CADM2: variants seen among roughly 807,000 people sequenced by gnomAD.
CADM2 encodes immunoglobulin superfamily member 4D.
CADM2 carries 12 observed loss-of-function variants against 49.8 expected under a neutral mutation model. The observed-to-expected ratio is 0.24, with a 90% confidence interval of 0.15 to 0.39. CADM2 has a LOEUF of 0.39. Among genes scored for constraint, CADM2 ranks in the 10% least tolerant of loss-of-function variants. The pLI is 1.00. For synonymous variants in CADM2, 214 were observed against 175.4 expected (o/e 1.22, Z -1.74); for missense variants, 378 against 492.3 (o/e 0.77, Z 2.20).
At chr3:85,086,160 GA>G (rs1313287313) in intron 1 of CADM2, among the ~76,000 whole-genome samples, 1 of 152,072 alleles carries the variant, frequency 6.6e-6, no homozygotes. Flanking sequence ...ATTAAGATGT[GA>G]TACTAAGATA....
chr3:85,912,643 A>C, intron 6 of CADM2, 100 bp downstream of exon 6: 1 of 1,199,592 alleles, frequency 8.3e-7, no homozygotes, highest in Non-Finnish European at 1.2e-6. Context: ...GCAAAGGTGC[A>C]GTAAAATCCA....
chr3:85,800,150 C>T (rs1442301369), intron 2 of CADM2: 1 of 152,250 alleles, frequency 6.6e-6, no homozygotes, highest in Non-Finnish European at 1.5e-5. Flanking sequence ...TGGGCTCCAC[C>T]TAGTCTGAAC....
At chr3:85,304,533 A>G (rs1314745978) in intron 1 of CADM2, among the ~76,000 whole-genome samples, 1 of 151,972 alleles carries the variant, frequency 6.6e-6, no homozygotes, top group East Asian at 1.9e-4. Context: ...CACCTTTGAA[A>G]TTTATAAAAC....
At chr3:85,604,821 C>G (rs1223088987) in intron 1 of CADM2, among the ~76,000 whole-genome samples, 2 of 151,924 alleles carry the variant, frequency 1.3e-5, no homozygotes, top group Non-Finnish European at 2.9e-5. Context: ...AGGGGGAATG[C>G]GAGTCATCCC....
intron 1 of CADM2, among the ~76,000 whole-genome samples, chr3:85,546,957 T>C (rs2061681213): frequency 6.6e-6 from 1 of 152,112 alleles, no homozygotes; most frequent in Non-Finnish European, 1.5e-5. Flanking sequence ...ACAGAAAGTA[T>C]TTGTTTTTAT....
chr3:85,372,889 G>A (rs962482022), intron 1 of CADM2, among the ~76,000 whole-genome samples: 1 of 152,052 alleles, frequency 6.6e-6, no homozygotes, highest in Non-Finnish European at 1.5e-5. Flanking sequence ...CATGAGAACA[G>A]CATGGGAGAA....
intron 1 of CADM2, among the ~76,000 whole-genome samples, chr3:85,411,730 C>A (rs987704510): frequency 1.3e-5 from 2 of 152,168 alleles, no homozygotes; most frequent in Non-Finnish European, 2.9e-5. Context: ...AACAAATTGA[C>A]CTTACGAAAG....
At chr3:85,061,929 C>T (rs953175312) in intron 1 of CADM2, among the ~76,000 whole-genome samples, 2 of 151,926 alleles carry the variant, frequency 1.3e-5, no homozygotes, top group African/African-American at 4.8e-5. Flanking sequence ...TTCTTAAAAA[C>T]ATACTATCAG....
At chr3:85,427,184 A>ATATATATATATATATATATAT (rs1559834463) in intron 1 of CADM2, among the ~76,000 whole-genome samples, 1 of 126,404 alleles carries the variant, frequency 7.9e-6, no homozygotes, top group African/African-American at 2.7e-5. Flanking sequence ...ATATATATAT[A>ATATATATATATATATATATAT]TATATATATA....
At chr3:85,183,899 C>A (rs2040992954) in intron 1 of CADM2, among the ~76,000 whole-genome samples, 1 of 151,884 alleles carries the variant, frequency 6.6e-6, no homozygotes, top group Non-Finnish European at 1.5e-5. Flanking sequence ...TCAGTGGGAT[C>A]AGAATTTTAG....
intron 1 of CADM2, among the ~76,000 whole-genome samples, chr3:85,061,169 A>G (rs544003044): frequency 6.6e-6 from 1 of 152,274 alleles, no homozygotes; most frequent in African/African-American, 2.4e-5. Context: ...GTTTCTATTG[A>G]AAACTATGTA....
chr3:85,563,377 C>T (rs914107546), intron 1 of CADM2, among the ~76,000 whole-genome samples: 16 of 140,730 alleles, frequency 1.1e-4, no homozygotes, highest in African/African-American at 1.8e-4. Flanking sequence ...AATGATTCTA[C>T]GTATTGCAAA....
At chr3:85,999,264 C>CGA (rs1553720504) in intron 8 of CADM2, among the ~76,000 whole-genome samples, 5 of 135,098 alleles carry the variant, frequency 3.7e-5, no homozygotes, top group South Asian at 4.7e-4. Context: ...TTTGGGAGGC[C>CGA]GAGGGTTGGG....
At chr3:85,482,698 A>C (rs879497588) in intron 1 of CADM2, among the ~76,000 whole-genome samples, 2 of 151,698 alleles carry the variant, frequency 1.3e-5, no homozygotes, top group Non-Finnish European at 3.0e-5. Flanking sequence ...AATATTCATG[A>C]GGTATTATTA....
intron 1 of CADM2, chr3:85,385,902 G>T (rs574579610): frequency 6.7e-6 from 1 of 149,840 alleles, no homozygotes; most frequent in African/African-American, 2.5e-5. Flanking sequence ...TTTCTACTGA[G>T]CATAGTACAC....
At chr3:85,871,702 C>T (rs553007805) in intron 3 of CADM2, among the ~76,000 whole-genome samples, 1 of 152,234 alleles carries the variant, frequency 6.6e-6, no homozygotes, top group African/African-American at 2.4e-5. Context: ...ATTACTCTAT[C>T]GTTGTCATCA....
At chr3:85,206,566 C>T (rs889149676) in intron 1 of CADM2, among the ~76,000 whole-genome samples, 2 of 152,058 alleles carry the variant, frequency 1.3e-5, no homozygotes, top group African/African-American at 2.4e-5. Context: ...CTCGGCCTCC[C>T]AAAGTGCTGG....
intron 1 of CADM2, among the ~76,000 whole-genome samples, chr3:85,632,969 A>G (rs1480286286): frequency 6.6e-6 from 1 of 152,100 alleles, no homozygotes. Flanking sequence ...TATTTTTATT[A>G]AAAGTTTATT....
chr3:85,125,229 C>G (rs1448429463), intron 1 of CADM2, among the ~76,000 whole-genome samples: 1 of 152,128 alleles, frequency 6.6e-6, no homozygotes, highest in Non-Finnish European at 1.5e-5. Context: ...GAGGAGAACA[C>G]GGTAAACCAA....
Sources: allele counts gnomAD v4.1 joint callset (sites outside exome capture counted in the v4.1 genomes callset), GRCh38; gene constraint gnomAD v4.1.1; transcripts MANE v1.5; gene names NCBI Gene and HGNC (gene_info 2026-07-23, HGNC 2026-07-21).